Variants in FIGN observed in about 807,000 individuals in gnomAD.
FIGN encodes the protein fidgetin, microtubule severing factor.
A neutral mutation model predicts 51.3 loss-of-function variants in FIGN; 11 were observed. The ratio of observed to expected loss-of-function variants is 0.21; its 90% CI spans 0.13 to 0.35. The LOEUF (loss-of-function observed/expected upper bound fraction) is 0.35. Ranked by LOEUF, FIGN falls within the 10% of genes least tolerant of loss-of-function variation. FIGN has a pLI of 1.00. For synonymous variants in FIGN, 407 were observed against 363.2 expected (o/e 1.12, Z -1.37); for missense variants, 857 against 943.6 (o/e 0.91, Z 1.20).
intron 2 of FIGN, among the ~76,000 whole-genome samples, chr2:163,714,108 T>C (rs543345440): frequency 2.6e-5 from 4 of 152,248 alleles, no homozygotes; most frequent in African/African-American, 7.2e-5. Context: ...ATTACACGGC[T>C]CCTTGTTCCA....
chr2:163,728,491 T>C (rs55945574), intron 2 of FIGN, among the ~76,000 whole-genome samples: 2,442 of 151,924 alleles, frequency 0.016, 84 homozygotes, highest in African/African-American at 0.055. Context: ...ATAGGAGATA[T>C]ATGAGACACA....
At chr2:163,705,607 T>A (rs543308074) in intron 2 of FIGN, among the ~76,000 whole-genome samples, 3 of 152,014 alleles carry the variant, frequency 2.0e-5, no homozygotes, top group South Asian at 4.1e-4. Context: ...AAGAGTACTA[T>A]GTAAACTCTA....
At chr2:163,633,568 C>G (rs528993586) in intron 2 of FIGN, among the ~76,000 whole-genome samples, 1 of 152,144 alleles carries the variant, frequency 6.6e-6, no homozygotes, top group South Asian at 2.1e-4. Flanking sequence ...TTCCAGGTTT[C>G]TTTCCAACTC....
intron 2 of FIGN, among the ~76,000 whole-genome samples, chr2:163,671,735 T>A (rs1262298466): frequency 6.6e-6 from 1 of 152,208 alleles, no homozygotes; most frequent in Non-Finnish European, 1.5e-5. Context: ...CATAAAAATG[T>A]GTTAAGTCCT....
rs142070088 is a variant in FIGN at position 163,636,977 on chromosome 2, G to A, written c.26-25171C>T. Among the ~76,000 whole-genome samples the A allele has an allele frequency of 4.7e-3, 713 of 152,162 alleles. 6 individuals are homozygous for A. Among genetic ancestry groups the A allele is most frequent in the African/African-American group, 0.016 (681 of 41,534 alleles). On this transcript the variant is annotated intron_variant, in intron 2 of 2. Transcript: ENST00000333129. ...GCCTGTAGTCCCAGCTAATTGAGAGGCTGAGGCATGAGAATTGCTTGAACC... is the reference window on the plus strand; with the variant it reads ...GCCTGTAGTCCCAGCTAATTGAGAGACTGAGGCATGAGAATTGCTTGAACC...
At chr2:163,699,980 A>G (rs1241358362) in intron 2 of FIGN, among the ~76,000 whole-genome samples, 2 of 152,106 alleles carry the variant, frequency 1.3e-5, no homozygotes, top group Non-Finnish European at 2.9e-5. Flanking sequence ...TTTTTGTGTT[A>G]CCCTATGACT....
At chr2:163,643,033 T>C (rs1264799624) in intron 2 of FIGN, among the ~76,000 whole-genome samples, 1 of 152,126 alleles carries the variant, frequency 6.6e-6, no homozygotes, top group African/African-American at 2.4e-5. Flanking sequence ...ATTGATACAC[T>C]GATTCTAAAA....
chr2:163,701,513 G>A (rs936677064), intron 2 of FIGN, among the ~76,000 whole-genome samples: 1 of 152,160 alleles, frequency 6.6e-6, no homozygotes, highest in Non-Finnish European at 1.5e-5. Context: ...AGTAGAACCT[G>A]CGGATGGTTC....
At chr2:163,633,122 C>T (rs942874169) in intron 2 of FIGN, among the ~76,000 whole-genome samples, 11 of 151,994 alleles carry the variant, frequency 7.2e-5, no homozygotes, top group Admixed American at 3.9e-4. Flanking sequence ...AACTGGAGGC[C>T]GCAGTGAGCC....
intron 2 of FIGN, among the ~76,000 whole-genome samples, chr2:163,692,768 C>T (rs1684257947): frequency 6.6e-6 from 1 of 152,130 alleles, no homozygotes; most frequent in Admixed American, 6.5e-5. Flanking sequence ...CTGTGTGGAG[C>T]AAGGTGACTC....
In FIGN at chr2:163,607,549, A is replaced by T. The variant is rs542456204; in HGVS notation, c.*2003T>A. Reference sequence around the variant, plus strand: ...TTCTCTATGTTAAGTGTTTCAGAGAATTGGATATTGTGGATAAGATCGGTA... The same window carrying T: ...TTCTCTATGTTAAGTGTTTCAGAGATTTGGATATTGTGGATAAGATCGGTA... On this transcript the variant is annotated 3_prime_UTR_variant, in exon 3 of 3. Transcript: ENST00000333129. 6.6e-6 allele frequency: 1 copy of T among 152,516 alleles called. No homozygotes were observed. The highest frequency in any genetic ancestry group is 1.5e-5 in the Non-Finnish European group (1 of 68,010). The allele number at this position is 152,516 out of a possible 1,614,324, so 9.4% of individuals were successfully genotyped here.
chr2:163,727,383 TAAA>T (rs34099693), intron 2 of FIGN, among the ~76,000 whole-genome samples: 6 of 147,828 alleles, frequency 4.1e-5, no homozygotes, highest in Non-Finnish European at 4.5e-5. Flanking sequence ...ATGGCTTAGT[TAAA>T]AAAAAAAAAA....
intron 2 of FIGN, among the ~76,000 whole-genome samples, chr2:163,694,207 G>A (rs1304795454): frequency 2.6e-5 from 4 of 152,158 alleles, no homozygotes. Context: ...CATTCAAAAT[G>A]TTTGTTTTGC....
At chr2:163,655,804 C>CAGAG (rs3058760) in intron 2 of FIGN, among the ~76,000 whole-genome samples, 5,738 of 145,782 alleles carry the variant, frequency 0.039, 128 homozygotes, top group African/African-American at 0.046. Flanking sequence ...CACACACACA[C>CAGAG]AGAGAGAGAG....
intron 2 of FIGN, among the ~76,000 whole-genome samples, chr2:163,682,559 T>G (rs1413876558): frequency 1.3e-5 from 2 of 152,214 alleles, no homozygotes; most frequent in Non-Finnish European, 2.9e-5. Context: ...GGTTTAAATA[T>G]AATCAAATAA....
chr2:163,631,862 G>T (rs1413198897), intron 2 of FIGN, among the ~76,000 whole-genome samples: 2 of 152,060 alleles, frequency 1.3e-5, no homozygotes, highest in African/African-American at 4.8e-5. Context: ...AAATATTTAA[G>T]GTAGGCTGGG....
chr2:163,696,046 G>A (rs1034575341), intron 2 of FIGN, among the ~76,000 whole-genome samples: 1 of 152,166 alleles, frequency 6.6e-6, no homozygotes, highest in Non-Finnish European at 1.5e-5. Flanking sequence ...GGGAAGTGGA[G>A]GTTGCGGTGA....
Position 163,705,640 on chromosome 2 carries a change from C to CT in FIGN, c.25+29262dup, listed in dbSNP as rs58661112. Among the ~76,000 whole-genome samples the CT allele has an allele frequency of 4.8e-3, 705 of 145,424 alleles. 4 individuals are homozygous for CT. The highest frequency in any genetic ancestry group is 0.013 in the African/African-American group (511 of 39,970). ...CTATTTTATATTGTTTATTTTTTGT[C>CT]TTTTTTTTTTTGACAATCCTAATAG... On this transcript the variant is annotated intron_variant, in intron 2 of 2. Transcript: ENST00000333129.
intron 2 of FIGN, among the ~76,000 whole-genome samples, chr2:163,618,548 T>C (rs1301223396): frequency 6.6e-6 from 1 of 152,068 alleles, no homozygotes; most frequent in East Asian, 1.9e-4. Context: ...TGCAACTGTG[T>C]TTGGTTTGGC....
Sources: allele counts gnomAD v4.1 joint callset (sites outside exome capture counted in the v4.1 genomes callset), GRCh38; gene constraint gnomAD v4.1.1; transcripts MANE v1.5; gene names NCBI Gene and HGNC (gene_info 2026-07-23, HGNC 2026-07-21).